Variants in LTBP1 observed in about 807,000 individuals in gnomAD.
LTBP1 encodes the protein latent-transforming growth factor beta-binding protein 1.
In LTBP1, 129 loss-of-function variants were observed where a neutral mutation model predicts 207.6. That is an observed-to-expected ratio of 0.62 (90% CI 0.54 to 0.72). The LOEUF is 0.72. Ranked by LOEUF, LTBP1 falls within the 30% of genes least tolerant of loss-of-function variation. LTBP1 has a pLI of 0.00. For synonymous variants in LTBP1, 963 were observed against 833.7 expected, an observed-to-expected ratio of 1.16 and a Z score of -2.67; for missense variants, 2,281 against 2,217.2, an observed-to-expected ratio of 1.03 and a Z score of -0.58.
At chr2:33,275,759 A>C in intron 17 of LTBP1, 42 bp from the exon 18 acceptor site, 6 of 1,612,724 alleles carry the variant, frequency 3.7e-6, no homozygotes, top group Non-Finnish European at 5.1e-6. Context: ...TTGAAACAGT[A>C]TTTGGAACAC....
chr2:33,144,163 C>G (rs551707844), intron 5 of LTBP1, among the ~76,000 whole-genome samples: 4 of 151,668 alleles, frequency 2.6e-5, no homozygotes, highest in African/African-American at 9.7e-5. Flanking sequence ...CCCTGTGCAC[C>G]CCAGAGACAG....
At chr2:33,370,652 A>G (rs1006884364) in intron 31 of LTBP1, among the ~76,000 whole-genome samples, 8 of 152,236 alleles carry the variant, frequency 5.3e-5, no homozygotes, top group African/African-American at 1.4e-4. Flanking sequence ...AGTTTCTGCC[A>G]TTGAACCTTT....
intron 3 of LTBP1, among the ~76,000 whole-genome samples, chr2:33,026,969 T>C (rs2075445696): frequency 1.3e-5 from 2 of 152,224 alleles, no homozygotes; most frequent in South Asian, 4.1e-4. Flanking sequence ...GCTACTCTCT[T>C]AACTTCCAAT....
chr2:33,239,260 C>T (rs1260087582), intron 9 of LTBP1, among the ~76,000 whole-genome samples: 2 of 152,150 alleles, frequency 1.3e-5, no homozygotes, highest in African/African-American at 2.4e-5. Context: ...CACATGGGTC[C>T]GTATGAATTT....
intron 31 of LTBP1, among the ~76,000 whole-genome samples, chr2:33,377,197 A>G (rs1169889429): frequency 6.6e-6 from 1 of 152,196 alleles, no homozygotes; most frequent in Non-Finnish European, 1.5e-5. Context: ...TCCTGGAACA[A>G]GCTGCCATTC....
intron 3 of LTBP1, among the ~76,000 whole-genome samples, chr2:33,087,460 A>T (rs184201349): frequency 6.6e-6 from 1 of 152,270 alleles, no homozygotes; most frequent in East Asian, 1.9e-4. Flanking sequence ...CTCCAAACAG[A>T]CTTAAGTAAT....
intron 5 of LTBP1, among the ~76,000 whole-genome samples, chr2:33,137,962 CAGAG>C (rs1558687520): frequency 6.6e-6 from 1 of 152,080 alleles, no homozygotes; most frequent in African/African-American, 2.4e-5. Flanking sequence ...GCTGGGATAA[CAGAG>C]AGAGAGAAAG....
At chr2:33,106,029 A>G (rs546714891) in intron 3 of LTBP1, among the ~76,000 whole-genome samples, 4 of 152,342 alleles carry the variant, frequency 2.6e-5, no homozygotes, top group African/African-American at 7.2e-5. Flanking sequence ...CATTTCAACA[A>G]TGTTCACAGC....
intron 24 of LTBP1, among the ~76,000 whole-genome samples, chr2:33,318,879 A>G (rs367891202): frequency 6.6e-6 from 1 of 152,208 alleles, no homozygotes; most frequent in East Asian, 1.9e-4. Flanking sequence ...TTTAATTCAC[A>G]TGAAAAATAC....
intron 19 of LTBP1, among the ~76,000 whole-genome samples, chr2:33,286,962 A>G (rs943881442): frequency 6.6e-6 from 1 of 152,248 alleles, no homozygotes; most frequent in Non-Finnish European, 1.5e-5. Context: ...AGATAGCATT[A>G]GGAGATATAC....
At chr2:32,982,282 T>C (rs1332369006) in intron 2 of LTBP1, among the ~76,000 whole-genome samples, 3 of 152,112 alleles carry the variant, frequency 2.0e-5, no homozygotes, top group Non-Finnish European at 4.4e-5. Flanking sequence ...CTGTGGAACT[T>C]TGAGCTTGAG....
chr2:33,159,396 C>G (rs2084269826), intron 5 of LTBP1, among the ~76,000 whole-genome samples: 1 of 152,242 alleles, frequency 6.6e-6, no homozygotes, highest in Admixed American at 6.5e-5. Context: ...GCTGTCACCT[C>G]TTACACTTCC....
chr2:33,121,241 C>T (rs1397646061), intron 4 of LTBP1, among the ~76,000 whole-genome samples: 1 of 132,826 alleles, frequency 7.5e-6, no homozygotes, highest in Non-Finnish European at 1.6e-5. Flanking sequence ...GTAGCCCAAA[C>T]TGCACTTCAC....
intron 24 of LTBP1, 68 bp downstream of exon 24, chr2:33,315,337 CA>C: frequency 6.3e-7 from 1 of 1,587,384 alleles, no homozygotes; most frequent in Non-Finnish European, 8.6e-7. Flanking sequence ...TTCACTTATA[CA>C]AAGACTTGAA....
Position 33,263,253 on chromosome 2 carries a change from C to G in LTBP1, c.2519-41C>G, listed in dbSNP as rs534347313. ...TGAAATGGGATCTCAATGCACATAACGGGCTTTAATTTTCTTTTTATCCTC... is the reference window on the plus strand; with the variant it reads ...TGAAATGGGATCTCAATGCACATAAGGGGCTTTAATTTTCTTTTTATCCTC... On this transcript the variant is annotated intron_variant, in intron 14 of 33. Transcript: ENST00000404816. 5 of 1,199,574 alleles carry G rather than the reference C, an allele frequency of 4.2e-6. No individual in the cohort carries two copies. The East Asian group carries it at 7.0e-5, about 17-fold the overall frequency. 74.3% of individuals were successfully genotyped at this position (1,199,574 alleles called of 1,614,324 possible). A position where few individuals can be genotyped will look rare whatever the true frequency, so the allele number is the denominator to read the frequency against.
intron 7 of LTBP1, among the ~76,000 whole-genome samples, chr2:33,196,350 A>T (rs1049261234): frequency 1.3e-5 from 2 of 152,208 alleles, no homozygotes; most frequent in African/African-American, 4.8e-5. Context: ...TATAAATAGA[A>T]TAGTATATTT....
At position 33,231,717 on chromosome 2, in the gene LTBP1, A is replaced by G. The variant is rs115507449; in HGVS notation, c.1876+9566A>G. On this transcript the variant is annotated intron_variant, in intron 9 of 33. Transcript: ENST00000404816. ...TGGAGAAAAGAATGTGTCTTGTAGC[A>G]TAGTGCTGGATTAAAACAGACATGT... 2.5e-3 allele frequency among the ~76,000 whole-genome samples: 375 copies of G among 152,286 alleles called. 3 individuals are homozygous for G. Among genetic ancestry groups the G allele is most frequent in the African/African-American group, 8.6e-3 (359 of 41,560 alleles).
At chr2:33,357,655 C>T (rs999166652) in intron 26 of LTBP1, among the ~76,000 whole-genome samples, 3 of 152,088 alleles carry the variant, frequency 2.0e-5, no homozygotes, top group Non-Finnish European at 2.9e-5. Context: ...TTGTTGTTAC[C>T]GGCCACACCT....
chr2:32,985,410 A>T (rs1683399039), intron 2 of LTBP1, among the ~76,000 whole-genome samples: 1 of 152,178 alleles, frequency 6.6e-6, no homozygotes, highest in Non-Finnish European at 1.5e-5. Flanking sequence ...AGAGAGGATA[A>T]ATTCTCACAG....
Sources: allele counts gnomAD v4.1 joint callset (sites outside exome capture counted in the v4.1 genomes callset), GRCh38; gene constraint gnomAD v4.1.1; transcripts MANE v1.5; gene names NCBI Gene and HGNC (gene_info 2026-07-23, HGNC 2026-07-21).